The following CENPC variants were observed in gnomAD, a reference collection of about 807,000 sequenced individuals.
CENPC encodes the protein centromere protein C.
In CENPC, 63 loss-of-function variants were observed where a neutral mutation model predicts 112.1. That is an observed-to-expected ratio of 0.56 (90% CI 0.46 to 0.69). The LOEUF (loss-of-function observed/expected upper bound fraction) is 0.69, where lower values mean the gene tolerates loss of function less well. Ranked by LOEUF, CENPC falls within the 30% of genes least tolerant of loss-of-function variation. CENPC has a pLI of 0.00. For missense variants in CENPC, 1,000 were observed against 1,103.8 expected (o/e 0.91, Z 1.33); for synonymous variants, 333 against 367.6 (o/e 0.91, Z 1.08).
chr4:67,502,406 C>T (rs1340988652), intron 12 of CENPC, among the ~76,000 whole-genome samples: 1 of 147,368 alleles, frequency 6.8e-6, no homozygotes, highest in African/African-American at 2.5e-5. Context: ...GATAAAGAAA[C>T]AACAACCAAC....
At chr4:67,532,751 G>A (rs1726594028) in intron 4 of CENPC, among the ~76,000 whole-genome samples, 1 of 151,566 alleles carries the variant, frequency 6.6e-6, no homozygotes, top group South Asian at 2.1e-4. Context: ...CTGCTGGGGG[G>A]TAGGGGGAGG....
At chr4:67,504,822 A>T (rs980349772) in intron 12 of CENPC, among the ~76,000 whole-genome samples, 1 of 152,226 alleles carries the variant, frequency 6.6e-6, no homozygotes, top group South Asian at 2.1e-4. Flanking sequence ...ACTCCGTCTC[A>T]AACAAAAAAA....
At chr4:67,487,573 G>C (rs918495914) in intron 17 of CENPC, among the ~76,000 whole-genome samples, 1 of 151,560 alleles carries the variant, frequency 6.6e-6, no homozygotes, top group Non-Finnish European at 1.5e-5. Context: ...GTAGGTTGCT[G>C]TCACCTTTTT....
intron 8 of CENPC, among the ~76,000 whole-genome samples, chr4:67,513,468 G>A (rs1725954020): frequency 6.6e-6 from 1 of 152,062 alleles, no homozygotes; most frequent in African/African-American, 2.4e-5. Context: ...TACAATTATA[G>A]AGCGCATCTT....
At chr4:67,541,416 T>C (rs987580901) in intron 2 of CENPC, among the ~76,000 whole-genome samples, 4 of 152,164 alleles carry the variant, frequency 2.6e-5, no homozygotes, top group Non-Finnish European at 5.9e-5. Context: ...AGTAACATAT[T>C]CCTCCCTATA....
At chr4:67,491,478 TATAGAGAGAGAGAGAG>T (rs1481614830) in intron 16 of CENPC, among the ~76,000 whole-genome samples, 25 of 24,986 alleles carry the variant, frequency 1.0e-3, no homozygotes, top group African/African-American at 1.1e-3. Flanking sequence ...TATATATATA[TATAGAGAGAGAGAGAG>T]AGAGAGAGAG....
chr4:67,495,545 AG>A (rs1725407789), intron 12 of CENPC, among the ~76,000 whole-genome samples: 3 of 152,266 alleles, frequency 2.0e-5, no homozygotes, highest in Admixed American at 2.0e-4. Context: ...GGGATGAGGA[AG>A]GGGTTTTATT....
At chr4:67,534,165 C>T (rs1490041896) in intron 4 of CENPC, among the ~76,000 whole-genome samples, 1 of 152,092 alleles carries the variant, frequency 6.6e-6, no homozygotes, top group East Asian at 1.9e-4. Context: ...CCTGTAATCC[C>T]CATACTTTGG....
At chr4:67,472,777 G>T in intron 18 of CENPC, 102 bp from the exon 19 acceptor site, 1 of 1,209,888 alleles carries the variant, frequency 8.3e-7, no homozygotes, top group Non-Finnish European at 1.1e-6. Flanking sequence ...TAGGACACAA[G>T]ATAAAAACAA....
chr4:67,471,961 T>A lies in CENPC; in HGVS notation c.*644A>T, dbSNP rs1462058085. ...CCAACACAGACACACAAGGTGAGAA[T>A]ACCATGTGATAATGCAAGTAGATTG... On this transcript the variant is annotated 3_prime_UTR_variant, in exon 19 of 19. Coordinates refer to ENST00000273853, the MANE Select transcript of CENPC (RefSeq NM_001812.4). 2.0e-5 allele frequency: 3 copies of A among 152,178 alleles called. No individual in the cohort carries two copies. The highest frequency in any genetic ancestry group is 4.4e-5 in the Non-Finnish European group (3 of 68,032). 9.4% of individuals were successfully genotyped at this position (152,178 alleles called of 1,614,324 possible). A position where few individuals can be genotyped will look rare whatever the true frequency, so the allele number is the denominator to read the frequency against.
chr4:67,516,157 A>C (rs577096092), intron 7 of CENPC, among the ~76,000 whole-genome samples: 2 of 152,168 alleles, frequency 1.3e-5, no homozygotes, highest in Non-Finnish European at 2.9e-5. Context: ...GTGTTGAATA[A>C]ATTAAGACTA....
chr4:67,475,700 GCCATTCTCCAGCCTCAGCCT>G (rs1040753608), intron 17 of CENPC, among the ~76,000 whole-genome samples: 62 of 152,176 alleles, frequency 4.1e-4, no homozygotes, highest in Non-Finnish European at 1.2e-4. Context: ...CAGGGTTCAT[GCCATTCTCCAGCCTCAGCCT>G]CCTGAGTAGC....
chr4:67,504,545 G>A (rs1725682657), intron 12 of CENPC, among the ~76,000 whole-genome samples: 1 of 152,132 alleles, frequency 6.6e-6, no homozygotes, highest in South Asian at 2.1e-4. Flanking sequence ...CTGAAGGCCG[G>A]GAGTGGTGGC....
At chr4:67,539,960 A>G (rs1726841531) in intron 3 of CENPC, 26 bp from the exon 4 acceptor site, 3 of 1,252,246 alleles carry the variant, frequency 2.4e-6, no homozygotes, top group African/African-American at 1.6e-5. Flanking sequence ...GAAATTTTCA[A>G]AAACAAGATA....
At chr4:67,505,336 T>G in intron 11 of CENPC, 52 bp from the exon 12 acceptor site, 1 of 1,029,726 alleles carries the variant, frequency 9.7e-7, no homozygotes, top group Non-Finnish European at 1.4e-6. Context: ...TACATATATC[T>G]AATGTATTTG....
chr4:67,513,993 T>G, intron 8 of CENPC, 81 bp downstream of exon 8: 1 of 1,358,388 alleles, frequency 7.4e-7, no homozygotes, highest in African/African-American at 1.5e-5. Flanking sequence ...CTTTGCCTAC[T>G]TGCCAAAGCT....
At chr4:67,497,539 T>C (rs1725471170) in intron 12 of CENPC, among the ~76,000 whole-genome samples, 1 of 152,106 alleles carries the variant, frequency 6.6e-6, no homozygotes, top group South Asian at 2.1e-4. Flanking sequence ...TGCTGTTTTG[T>C]TTTGGTTTTT....
intron 5 of CENPC, among the ~76,000 whole-genome samples, chr4:67,522,617 A>G (rs370615915): frequency 1.1e-3 from 174 of 152,322 alleles, no homozygotes; most frequent in African/African-American, 3.8e-3. Flanking sequence ...TGGAAATCAC[A>G]TGTATTACAT....
chr4:67,540,906 G>T, intron 3 of CENPC, 74 bp downstream of exon 3: 1 of 959,554 alleles, frequency 1.0e-6, no homozygotes, highest in Non-Finnish European at 1.6e-6. Flanking sequence ...TGCTGCATTT[G>T]ATATTAATTA....
Sources: allele counts gnomAD v4.1 joint callset (sites outside exome capture counted in the v4.1 genomes callset), GRCh38; gene constraint gnomAD v4.1.1; transcripts MANE v1.5; gene names NCBI Gene and HGNC (gene_info 2026-07-23, HGNC 2026-07-21).